The following WDR1 variants were observed in gnomAD, a reference collection of about 807,000 sequenced individuals.
The protein encoded by WDR1 is WD repeat-containing protein 1.
A neutral mutation model predicts 71.9 loss-of-function variants in WDR1; 21 were observed. The ratio of observed to expected loss-of-function variants is 0.29; its 90% CI spans 0.21 to 0.42. The LOEUF is 0.42. WDR1 is among the 10% of genes least tolerant of loss of function. The probability of loss-of-function intolerance (pLI) is 1.00; values close to 1 mark genes in which losing one functional copy is unlikely to be tolerated. For synonymous variants in WDR1, 424 were observed against 347.4 expected (o/e 1.22, Z -2.45); for missense variants, 696 against 824.5 (o/e 0.84, Z 1.91).
intron 3 of WDR1, among the ~76,000 whole-genome samples, chr4:10,100,436 A>G (rs1023892614): frequency 2.6e-5 from 4 of 152,362 alleles, no homozygotes; most frequent in African/African-American, 7.2e-5. Flanking sequence ...GCTCGTTACG[A>G]GTCAGGTGGA....
At chr4:10,101,317 A>T (rs1712671765) in intron 3 of WDR1, among the ~76,000 whole-genome samples, 1 of 152,200 alleles carries the variant, frequency 6.6e-6, no homozygotes, top group Non-Finnish European at 1.5e-5. Context: ...GGGTCTAAAG[A>T]TCCTGCAGAG....
chr4:10,075,320 C>T lies in WDR1; in HGVS notation c.*58G>A, dbSNP rs372501091. The T allele has an allele frequency of 2.4e-5, 36 of 1,489,806 alleles. No homozygotes were observed. In the Admixed American group the frequency reaches 2.9e-4, roughly 12 times the overall value. The allele number at this position is 1,489,806 out of a possible 1,614,324, so 92.3% of individuals were successfully genotyped here. A position where few individuals can be genotyped will look rare whatever the true frequency, so the allele number is the denominator to read the frequency against. Reference sequence around the variant, plus strand: ...ACAGAAATAGAGAAATGACATGTTCCGCTGCAGTTAAACTCTAGTCCCTGA... The same window carrying T: ...ACAGAAATAGAGAAATGACATGTTCTGCTGCAGTTAAACTCTAGTCCCTGA... On this transcript the variant is annotated 3_prime_UTR_variant, in exon 15 of 15. Transcript: ENST00000499869.
At chr4:10,078,342 A>G (rs753245041) in intron 12 of WDR1, among the ~76,000 whole-genome samples, 12 of 152,190 alleles carry the variant, frequency 7.9e-5, no homozygotes, top group Admixed American at 6.5e-4. Flanking sequence ...TCTACAGAGC[A>G]CTCAGGACTT....
At chr4:10,107,491 G>GC (rs988982709) in intron 2 of WDR1, among the ~76,000 whole-genome samples, 2 of 152,124 alleles carry the variant, frequency 1.3e-5, no homozygotes, top group Admixed American at 6.5e-5. Flanking sequence ...CCAGGCTTCA[G>GC]CCCACTCGTC....
chr4:10,091,818 A>C (rs1182449129), intron 5 of WDR1: 2 of 152,296 alleles, frequency 1.3e-5, no homozygotes, highest in East Asian at 3.9e-4. Context: ...TAGGGTCCAC[A>C]TTCCCTGTGT....
Position 10,116,254 on chromosome 4 carries a change from G to T in WDR1, c.17-20C>A, listed in dbSNP as rs949998143. On this transcript the variant is annotated intron_variant, in intron 1 of 14. Transcript: ENST00000499869. ...CCTTCTCTGCGGAGACACAAATGCG[G>T]CGGGGCATGTCAGGGCAGGGCGGGG... 1.2e-6 allele frequency: 2 copies of T among 1,612,966 alleles called. No homozygotes were observed. Among genetic ancestry groups the T allele is most frequent in the African/African-American group, 2.7e-5 (2 of 74,928 alleles).
At chr4:10,087,173 C>A (rs896757360) in intron 8 of WDR1, among the ~76,000 whole-genome samples, 1 of 152,234 alleles carries the variant, frequency 6.6e-6, no homozygotes. Context: ...CTGCTCCCAT[C>A]GCTCCCTTAT....
intron 4 of WDR1, 151 bp downstream of exon 4, chr4:10,098,841 C>T: frequency 2.8e-6 from 3 of 1,087,030 alleles, no homozygotes; most frequent in South Asian, 2.9e-5. Flanking sequence ...GGGCTGCAGC[C>T]AGCCCTCACG....
At chr4:10,116,626 G>A (rs1325970193) in intron 1 of WDR1, 25 bp downstream of exon 1, 4 of 1,228,734 alleles carry the variant, frequency 3.3e-6, no homozygotes, top group Non-Finnish European at 4.1e-6. Flanking sequence ...GCGGCCGCTC[G>A]GGGGCCCCGC....
At position 10,087,745 on chromosome 4, in the gene WDR1, C is replaced by T. The variant is rs1711676907; in HGVS notation, c.913G>A (p.Asp305Asn). 1.2e-6 allele frequency: 2 copies of T among 1,601,908 alleles called. No individual in the cohort carries two copies. Among genetic ancestry groups the T allele is most frequent in the Admixed American group, 3.4e-5 (2 of 58,242 alleles). ...VSLSGYINYL[D>N]RNNPSKPLHV... ...AGGGGCTTGCTGGGGTTGTTTCTGTCCAGATAGTTGATGTACCCGGACAGG... is the reference window on the plus strand; with the variant it reads ...AGGGGCTTGCTGGGGTTGTTTCTGTTCAGATAGTTGATGTACCCGGACAGG... The change falls in exon 8 of 15, where the codon GAC (aspartate) becomes AAC (asparagine). Residue 305 changes from aspartate to asparagine, a missense_variant. Asp to Asn is a conservative substitution (Grantham distance 23, BLOSUM62 1). Coordinates refer to ENST00000499869, the MANE Select transcript of WDR1 (RefSeq NM_017491.5).
chr4:10,116,303 G>A, intron 1 of WDR1, 69 bp from the exon 2 acceptor site: 1 of 1,604,964 alleles, frequency 6.2e-7, no homozygotes, highest in African/African-American at 1.3e-5. Context: ...AAGGGAGAAG[G>A]AGCCCCGGAC....
chr4:10,116,328 CACCTGTTG>C, intron 1 of WDR1, 94 bp from the exon 2 acceptor site: 1 of 1,538,106 alleles, frequency 6.5e-7, no homozygotes, highest in Non-Finnish European at 8.8e-7. Flanking sequence ...CTCGGCCGGT[CACCTGTTG>C]ACTGCGCCGG....
chr4:10,088,595 C>T lies in WDR1; in HGVS notation c.636+69G>A, dbSNP rs537373336. 5.8e-5 allele frequency: 80 copies of T among 1,376,456 alleles called. 2 individuals carry two copies. In the South Asian group the frequency reaches 9.4e-4, roughly 16 times the overall value. The allele number at this position is 1,376,456 out of a possible 1,614,324, so 85.3% of individuals were successfully genotyped here. A position where few individuals can be genotyped will look rare whatever the true frequency, so the allele number is the denominator to read the frequency against. On this transcript the variant is annotated intron_variant, in intron 6 of 14. Transcript: ENST00000499869. The stretch of plus-strand genomic sequence containing the variant: ...GTCAGGACTAGCATTAGGCAGCCTG[C>T]GGCTCTGAGCAGTCACGGGAGCAGG...
In WDR1 at chr4:10,075,831, T is replaced by C. The variant is rs1186414956; in HGVS notation, c.1715-347A>G. On this transcript the variant is annotated intron_variant, in intron 14 of 14. Transcript: ENST00000499869. ...CTTCTTATGTATAAAAGCGATGACA[T>C]GCAGACACCACACAAACAGCTACAC... The C allele has an allele frequency of 2.8e-5, 10 of 362,204 alleles. No individual in the cohort carries two copies. The East Asian group carries it at 6.0e-4, about 22-fold the overall frequency. 22.4% of individuals were successfully genotyped at this position (362,204 alleles called of 1,614,324 possible). A position where few individuals can be genotyped will look rare whatever the true frequency, so the allele number is the denominator to read the frequency against.
chr4:10,081,561 C>T lies in WDR1; in HGVS notation c.1197-117G>A, dbSNP rs1234816589. The T allele has an allele frequency of 2.8e-5, 24 of 857,058 alleles. 2 individuals carry two copies. Among genetic ancestry groups the T allele is most frequent in the South Asian group, 2.6e-4 (18 of 68,956 alleles). The allele number at this position is 857,058 out of a possible 1,614,324, so 53.1% of individuals were successfully genotyped here. ...CCTTAGAAGGCAATTCTATTGCCAC[C>T]TATACTGGAGAGACTTGCTAAAATA... On this transcript the variant is annotated intron_variant, in intron 10 of 14. Transcript: ENST00000499869.
At chr4:10,115,958 C>T in intron 2 of WDR1, 155 bp downstream of exon 2, 2 of 1,014,040 alleles carry the variant, frequency 2.0e-6, no homozygotes, top group South Asian at 3.4e-5. Context: ...AGGCCGGCTT[C>T]CGGGGCTCCG....
Position 10,087,719 on chromosome 4 carries a change from C to G in WDR1, c.939G>C (p.Leu313=), listed in dbSNP as rs756821325. The G allele has an allele frequency of 1.9e-6, 3 of 1,594,068 alleles. No individual in the cohort carries two copies. Among genetic ancestry groups the G allele is most frequent in the Non-Finnish European group, 2.6e-6 (3 of 1,169,740 alleles). ...YLDRNNPSKP[L]HVIKGHSKSI... ...GGGCAGGCCTTACCTTGATGACGTG[C>G]AGGGGCTTGCTGGGGTTGTTTCTGT... The change falls in exon 8 of 15, where the codon CTG becomes CTC. Residue 313 remains leucine, a synonymous_variant. Coordinates refer to ENST00000499869, the MANE Select transcript of WDR1 (RefSeq NM_017491.5).
chr4:10,104,054 C>G (rs751776944), intron 2 of WDR1, 68 bp from the exon 3 acceptor site: 3 of 1,470,078 alleles, frequency 2.0e-6, no homozygotes, highest in Non-Finnish European at 1.9e-6. Context: ...CTCTCCACAT[C>G]AACAGATATG....
chr4:10,081,268 G>A, intron 11 of WDR1, 89 bp downstream of exon 11: 1 of 1,290,884 alleles, frequency 7.7e-7, no homozygotes. Flanking sequence ...ACTGGCTAGA[G>A]CAACTGTCAA....
Sources: gnomAD v4.1 joint callset for allele counts (sites outside exome capture counted in the v4.1 genomes callset) on GRCh38, gnomAD v4.1.1 for gene constraint, MANE v1.5 for transcripts, NCBI Gene and HGNC (gene_info 2026-07-23, HGNC 2026-07-21) for gene names.